NCOR1: variants seen among roughly 807,000 people sequenced by gnomAD.
The protein encoded by NCOR1 is nuclear receptor corepressor 1, also known as protein phosphatase 1, regulatory subunit 109.
Under a neutral mutation model 288.1 loss-of-function variants are expected in NCOR1, and 63 were observed. That is an observed-to-expected ratio of 0.22 (90% CI 0.18 to 0.27). The LOEUF is 0.27. Ranked by LOEUF, NCOR1 falls within the 10% of genes least tolerant of loss-of-function variation. NCOR1 has a pLI of 1.00. For missense variants in NCOR1, 2,397 were observed against 3,019.2 expected, an observed-to-expected ratio of 0.79 and a Z score of 4.83; for synonymous variants, 1,007 against 1,065.9, an observed-to-expected ratio of 0.94 and a Z score of 1.08.
intron 16 of NCOR1, among the ~76,000 whole-genome samples, chr17:16,119,934 A>G (rs2072631776): frequency 6.6e-6 from 1 of 152,146 alleles, no homozygotes; most frequent in South Asian, 2.1e-4. Flanking sequence ...TCTGACATCC[A>G]GTGGGTAAAG....
In NCOR1 at chr17:16,180,647, C is replaced by T. The variant is rs1366137508; in HGVS notation, c.242+5907G>A. ...CCTGTGGTGCCAGCTACCCGGGAGG[C>T]TGCAGTGGGAGGATCATTTGAGCCT... On this transcript the variant is annotated intron_variant, in intron 3 of 45. Coordinates refer to ENST00000268712, the MANE Select transcript of NCOR1 (RefSeq NM_006311.4). Among the ~76,000 whole-genome samples, 6 of 152,008 alleles carry T rather than the reference C, an allele frequency of 3.9e-5. No homozygotes were observed. In the East Asian group the frequency reaches 1.2e-3, roughly 29 times the overall value.
At chr17:16,170,174 T>C (rs979010645) in intron 4 of NCOR1, among the ~76,000 whole-genome samples, 3 of 151,740 alleles carry the variant, frequency 2.0e-5, no homozygotes, top group South Asian at 2.1e-4. Flanking sequence ...TGAAAATAAA[T>C]TGTAGATACA....
chr17:16,169,968 G>A (rs200744268), intron 4 of NCOR1, among the ~76,000 whole-genome samples: 83 of 151,944 alleles, frequency 5.5e-4, no homozygotes, highest in Non-Finnish European at 9.4e-4. Flanking sequence ...TCTAGCTTAC[G>A]GCAAAGAATT....
chr17:16,167,343 T>C (rs569779545), intron 4 of NCOR1, among the ~76,000 whole-genome samples: 1 of 150,500 alleles, frequency 6.6e-6, no homozygotes, highest in Non-Finnish European at 1.5e-5. Context: ...CAGATACCAA[T>C]CCTGAAGAAA....
intron 18 of NCOR1, among the ~76,000 whole-genome samples, chr17:16,113,105 C>T (rs749042201): frequency 1.3e-4 from 20 of 151,638 alleles, no homozygotes; most frequent in East Asian, 9.8e-4. Context: ...TTAGTAGAGA[C>T]GGGGTTTCAC....
intron 14 of NCOR1, among the ~76,000 whole-genome samples, chr17:16,127,733 A>G (rs956155809): frequency 3.3e-5 from 4 of 119,642 alleles, no homozygotes; most frequent in African/African-American, 1.2e-4. Flanking sequence ...ATATATGTGT[A>G]TATATGTGTG....
chr17:16,125,793 G>T (rs1212777686), intron 15 of NCOR1, among the ~76,000 whole-genome samples: 1 of 151,702 alleles, frequency 6.6e-6, no homozygotes, highest in South Asian at 2.1e-4. Flanking sequence ...GAAACAGAAG[G>T]TCAACTATCA....
intron 6 of NCOR1, among the ~76,000 whole-genome samples, chr17:16,157,876 C>T (rs1482855093): frequency 1.3e-5 from 2 of 150,786 alleles, no homozygotes; most frequent in Non-Finnish European, 3.0e-5. Context: ...AGAATTCATG[C>T]CTGGTGTTTC....
intron 8 of NCOR1, among the ~76,000 whole-genome samples, chr17:16,150,076 G>A (rs2078619727): frequency 1.3e-5 from 2 of 152,164 alleles, no homozygotes; most frequent in Middle Eastern, 3.4e-3. Flanking sequence ...TATCTTAATC[G>A]CTTTTTAAAT....
chr17:16,044,814 C>T, intron 42 of NCOR1: 1 of 1,091,618 alleles, frequency 9.2e-7, no homozygotes, highest in South Asian at 1.3e-5. Context: ...AATGTAGGGG[C>T]TGGTGGACCT....
At chr17:16,098,625 T>A in intron 20 of NCOR1, 129 bp from the exon 21 acceptor site, 1 of 697,580 alleles carries the variant, frequency 1.4e-6, no homozygotes, top group Non-Finnish European at 2.2e-6. Context: ...ACACATATAT[T>A]AACCCATATA....
rs2060628858 is a variant in NCOR1, at chr17:16,062,340, T to C, written c.5222-70A>G. On this transcript the variant is annotated intron_variant, in intron 35 of 45. Transcript: ENST00000268712. ...GCCAGAGACAAAAGGAAGCAATGCT[T>C]ATGGATTGTTTATTTCCTAACATAC... is the stretch of plus-strand genomic sequence containing the variant. 15 of 1,437,264 alleles carry C rather than the reference T, an allele frequency of 1.0e-5. No homozygotes were observed. The South Asian group carries it at 2.2e-4, about 21-fold the overall frequency. The allele number at this position is 1,437,264 out of a possible 1,614,324, so 89.0% of individuals were successfully genotyped here. A position where few individuals can be genotyped will look rare whatever the true frequency, so the allele number is the denominator to read the frequency against.
chr17:16,071,676 A>C lies in NCOR1; in HGVS notation c.3896-11T>G. 6.2e-7 allele frequency: 1 copy of C among 1,605,202 alleles called. No individual in the cohort carries two copies. Among genetic ancestry groups the C allele is most frequent in the Non-Finnish European group, 8.5e-7 (1 of 1,175,772 alleles). On this transcript the variant is annotated splice_polypyrimidine_tract_variant and intron_variant, in intron 29 of 45. Coordinates refer to ENST00000268712, the MANE Select transcript of NCOR1 (RefSeq NM_006311.4). ...TTGCTCTTGGTGTCCCTTGAAAAAG[A>C]ATTCAGGAAACATTAAAATAATGCT... is the stretch of plus-strand genomic sequence containing the variant.
intron 4 of NCOR1, among the ~76,000 whole-genome samples, chr17:16,168,603 G>C (rs1235645713): frequency 6.6e-6 from 1 of 151,976 alleles, no homozygotes; most frequent in African/African-American, 2.4e-5. Flanking sequence ...AAATCAACCT[G>C]GTCTACAATT....
At chr17:16,075,463 C>A in intron 27 of NCOR1, 71 bp downstream of exon 27, 5 of 1,516,116 alleles carry the variant, frequency 3.3e-6, no homozygotes, top group Middle Eastern at 2.3e-4. Context: ...AGCAGAAATG[C>A]GGGAAAACCC....
At chr17:16,156,737 G>C (rs57479165) in intron 6 of NCOR1, among the ~76,000 whole-genome samples, 4,761 of 152,024 alleles carry the variant, frequency 0.031, 250 homozygotes, top group African/African-American at 0.11. Context: ...GAGTTTTCAA[G>C]TTTTGCTAAT....
In NCOR1 at chr17:16,179,196, T is replaced by C. The variant is rs186083018; in HGVS notation, c.243-7201A>G. Among the ~76,000 whole-genome samples the C allele has an allele frequency of 3.3e-5, 5 of 152,104 alleles. No homozygotes were observed. The East Asian group carries it at 5.8e-4, about 18-fold the overall frequency. ...ATGGGAAATCAGGTACCTTATAAAA[T>C]TGCTGAAATCAGAAAGGAAATTTAT... On this transcript the variant is annotated intron_variant, in intron 3 of 45. Transcript: ENST00000268712.
rs1568196525 is a variant in NCOR1, at chr17:16,127,317, GTATATATGTATGTATA to G, written c.1510-1127_1510-1112del. 6.1e-4 allele frequency among the ~76,000 whole-genome samples: 22 copies of G among 36,164 alleles called. 8 individuals carry two copies. The highest frequency in any genetic ancestry group is 1.3e-3 in the African/African-American group (20 of 15,012). 23.7% of individuals were successfully genotyped at this position (36,164 alleles called of 152,430 possible). On this transcript the variant is annotated intron_variant, in intron 14 of 45. Coordinates refer to ENST00000268712, the MANE Select transcript of NCOR1 (RefSeq NM_006311.4). ...TGTATGTATGTATATATACATGTAT[GTATATATGTATGTATA>G]TATACATGTATGTATATATGTATGT...
At chr17:16,213,482 ACTGTCTC>A in intron 1 of NCOR1, among the ~76,000 whole-genome samples, 1 of 139,544 alleles carries the variant, frequency 7.2e-6, no homozygotes, top group Non-Finnish European at 1.5e-5. Context: ...ACAGAGCAAG[ACTGTCTC>A]AAAAAAAAAA....
Sources: allele counts gnomAD v4.1 joint callset (sites outside exome capture counted in the v4.1 genomes callset), GRCh38; gene constraint gnomAD v4.1.1; transcripts MANE v1.5; gene names NCBI Gene and HGNC (gene_info 2026-07-23, HGNC 2026-07-21).